ATP9B: variants seen among roughly 807,000 people sequenced by gnomAD.
The protein encoded by ATP9B is probable phospholipid-transporting ATPase IIB.
In ATP9B, 110 loss-of-function variants were observed where a neutral mutation model predicts 146.1. That is an observed-to-expected ratio of 0.75 (90% CI 0.65 to 0.88). The LOEUF is 0.88. Ranked by LOEUF, ATP9B falls within the 40% of genes least tolerant of loss-of-function variation. The pLI is 0.00. For missense variants in ATP9B, 1,499 were observed against 1,496.4 expected, an observed-to-expected ratio of 1.00 and a Z score of -0.03; for synonymous variants, 604 against 569.7, an observed-to-expected ratio of 1.06 and a Z score of -0.86.
chr18:79,347,444 G>T lies in ATP9B; in HGVS notation c.2683-326G>T, dbSNP rs188290626. ...GATCATAGGGGTGTCTTCCGACAGG[G>T]CGGGCCCACACTCAGATCACAAGGG... On this transcript the variant is annotated intron_variant, in intron 23 of 29. Transcript: ENST00000426216. Among the ~76,000 whole-genome samples, 253 of 152,162 alleles carry T rather than the reference G, an allele frequency of 1.7e-3. 4 individuals are homozygous for T. Among genetic ancestry groups the T allele is most frequent in the African/African-American group, 5.7e-3 (237 of 41,518 alleles).
intron 29 of ATP9B, chr18:79,375,725 G>A (rs927349010): frequency 1.0e-5 from 10 of 985,306 alleles, no homozygotes; most frequent in Non-Finnish European, 9.6e-6. Context: ...TGTAGGGGCT[G>A]AGCTGCTGGA....
rs12457547 is a variant in ATP9B, at chr18:79,367,095, T to C, written c.3013-5730T>C. Among the ~76,000 whole-genome samples the C allele has an allele frequency of 5.7e-3, 387 of 68,492 alleles. 8 individuals are homozygous for C. The highest frequency in any genetic ancestry group is 0.013 in the South Asian group (19 of 1,476). 44.9% of individuals were successfully genotyped at this position (68,492 alleles called of 152,430 possible). A position where few individuals can be genotyped will look rare whatever the true frequency, so the allele number is the denominator to read the frequency against. ...CTCCACCGTGTGTACGCAGAGAAAG[T>C]GCCTCCTCAACCAGAGAGCACACAT... is the stretch of plus-strand genomic sequence containing the variant. On this transcript the variant is annotated intron_variant, in intron 26 of 29. Coordinates refer to ENST00000426216, the MANE Select transcript of ATP9B (RefSeq NM_198531.5).
intron 15 of ATP9B, among the ~76,000 whole-genome samples, chr18:79,313,113 G>A (rs1328683780): frequency 1.3e-5 from 2 of 152,170 alleles, no homozygotes; most frequent in Admixed American, 1.3e-4. Flanking sequence ...CATAGATTGT[G>A]TTGACTGATA....
chr18:79,369,518 G>T (rs575018549), intron 26 of ATP9B, among the ~76,000 whole-genome samples: 1 of 122,972 alleles, frequency 8.1e-6, no homozygotes, highest in East Asian at 2.3e-4. Context: ...GGGCGACAGA[G>T]CAAGAGTCCG....
chr18:79,228,498 G>A (rs981585577), intron 11 of ATP9B, among the ~76,000 whole-genome samples: 1 of 152,074 alleles, frequency 6.6e-6, no homozygotes, highest in Non-Finnish European at 1.5e-5. Flanking sequence ...TAAGGTGATC[G>A]CCTGTTGCAT....
intron 12 of ATP9B, among the ~76,000 whole-genome samples, chr18:79,274,206 A>G (rs2096283534): frequency 6.6e-6 from 1 of 152,228 alleles, no homozygotes; most frequent in African/African-American, 2.4e-5. Context: ...ATAGTACTTT[A>G]CAGCTGAGTA....
intron 9 of ATP9B, among the ~76,000 whole-genome samples, chr18:79,197,423 T>C (rs2095427085): frequency 6.6e-6 from 1 of 151,332 alleles, no homozygotes; most frequent in Non-Finnish European, 1.5e-5. Context: ...ACAAAAAGAG[T>C]GCAGAGGGAA....
intron 13 of ATP9B, among the ~76,000 whole-genome samples, chr18:79,280,087 A>G: frequency 6.6e-6 from 1 of 152,260 alleles, no homozygotes; most frequent in Middle Eastern, 3.2e-3. Flanking sequence ...AACATAAAAA[A>G]GTTTATCAAA....
At chr18:79,124,436 T>G (rs1387578458) in intron 4 of ATP9B, among the ~76,000 whole-genome samples, 1 of 152,252 alleles carries the variant, frequency 6.6e-6, no homozygotes, top group Non-Finnish European at 1.5e-5. Flanking sequence ...GTGTCTTCAG[T>G]GGAAACCATG....
At chr18:79,087,432 T>A (rs899703493) in intron 1 of ATP9B, 1 of 152,262 alleles carries the variant, frequency 6.6e-6, no homozygotes, top group Non-Finnish European at 1.5e-5. Context: ...TAATGACTTA[T>A]CAATGACAGT....
chr18:79,307,343 G>A, intron 15 of ATP9B, 109 bp downstream of exon 15: 2 of 1,482,636 alleles, frequency 1.3e-6, no homozygotes, highest in Non-Finnish European at 9.1e-7. Flanking sequence ...GTTTATCGTA[G>A]CTTTAATGTA....
At chr18:79,163,814 C>T (rs2094919548) in intron 7 of ATP9B, among the ~76,000 whole-genome samples, 1 of 147,926 alleles carries the variant, frequency 6.8e-6, no homozygotes, top group Non-Finnish European at 1.5e-5. Context: ...TAGTTATTTA[C>T]CTTTAGGAAT....
At chr18:79,127,830 A>G (rs2094312606) in intron 5 of ATP9B, among the ~76,000 whole-genome samples, 1 of 152,118 alleles carries the variant, frequency 6.6e-6, no homozygotes, top group South Asian at 2.1e-4. Flanking sequence ...CCCACCAGCA[A>G]TGGATGAGGG....
intron 21 of ATP9B, 42 bp from the exon 22 acceptor site, chr18:79,345,383 CTGT>C: frequency 3.1e-6 from 5 of 1,601,220 alleles, no homozygotes; most frequent in Non-Finnish European, 3.4e-6. Flanking sequence ...ATCTGGGACA[CTGT>C]TGTCGACCAT....
chr18:79,077,923 C>T (rs1252774598), intron 1 of ATP9B: 1 of 152,208 alleles, frequency 6.6e-6, no homozygotes, highest in Non-Finnish European at 1.5e-5. Context: ...GAAATACTGC[C>T]TGATTTGCTA....
chr18:79,348,281 T>G, intron 25 of ATP9B, 85 bp downstream of exon 25: 3 of 1,217,954 alleles, frequency 2.5e-6, no homozygotes, highest in Non-Finnish European at 3.5e-6. Flanking sequence ...AAAAAACGTA[T>G]ATAGAAGATT....
chr18:79,138,704 G>A (rs1328614781), intron 5 of ATP9B, among the ~76,000 whole-genome samples: 1 of 151,508 alleles, frequency 6.6e-6, no homozygotes, highest in African/African-American at 2.4e-5. Flanking sequence ...TTTAATGGAT[G>A]GATATTAAGA....
chr18:79,116,872 T>A (rs12606124), intron 4 of ATP9B, among the ~76,000 whole-genome samples: 21,815 of 97,544 alleles, frequency 0.22, 2,789 homozygotes, highest in East Asian at 0.46. Context: ...TGTATACATA[T>A]GTAACTAACC....
At chr18:79,235,994 C>T (rs1484960615) in intron 11 of ATP9B, among the ~76,000 whole-genome samples, 1 of 152,064 alleles carries the variant, frequency 6.6e-6, no homozygotes, top group Admixed American at 6.5e-5. Flanking sequence ...TGCATGCCTC[C>T]TGTAAGGTGT....
Sources: gnomAD v4.1 joint callset for allele counts (sites outside exome capture counted in the v4.1 genomes callset) on GRCh38, gnomAD v4.1.1 for gene constraint, MANE v1.5 for transcripts, NCBI Gene and HGNC (gene_info 2026-07-23, HGNC 2026-07-21) for gene names.